Variants in PLEKHG5 observed in about 807,000 individuals in gnomAD.
PLEKHG5 encodes the protein pleckstrin homology and RhoGEF domain containing G5.
PLEKHG5 carries 52 observed loss-of-function variants against 103.8 expected under a neutral mutation model. That is an observed-to-expected ratio of 0.50 (90% CI 0.40 to 0.63). The LOEUF (loss-of-function observed/expected upper bound fraction) is 0.63. PLEKHG5 is among the 30% of genes least tolerant of loss of function. The probability of loss-of-function intolerance (pLI) is 0.00; values close to 1 mark genes in which losing one functional copy is unlikely to be tolerated. For missense variants in PLEKHG5, 1,205 were observed against 1,347.6 expected (o/e 0.89, Z 1.66); for synonymous variants, 592 against 575.5 (o/e 1.03, Z -0.41).
chr1:6,509,338 G>A (rs574444197), intron 1 of PLEKHG5, among the ~76,000 whole-genome samples: 2 of 152,250 alleles, frequency 1.3e-5, no homozygotes, highest in African/African-American at 2.4e-5. Context: ...ACAAGGGCCC[G>A]CTTCATCCCG....
At chr1:6,501,114 G>A (rs530516323), upstream of PLEKHG5, among the ~76,000 whole-genome samples, 18 of 152,254 alleles carry the variant, frequency 1.2e-4, no homozygotes, top group African/African-American at 3.1e-4. The surrounding 1 kb of genome is among the most constrained non-coding windows in gnomAD (Gnocchi z 4.3). Flanking sequence ...AGAGGAGCCC[G>A]GCAGCTCTGG....
At chr1:6,512,899 G>GT (rs920986986) in intron 1 of PLEKHG5, among the ~76,000 whole-genome samples, 1 of 152,140 alleles carries the variant, frequency 6.6e-6, no homozygotes, top group Non-Finnish European at 1.5e-5. Flanking sequence ...GGTGGCCATG[G>GT]GGGGGTGAAT....
At position 6,467,875 on chromosome 1, in the gene PLEKHG5, C is replaced by T. The variant is rs868684336; in HGVS notation, c.2961G>A (p.Gln987=). Residue 987 remains glutamine (Q), a synonymous_variant, in exon 20 of 21, where the codon CAG becomes CAA. Transcript: ENST00000377728. ...GCAGGGTGGTCCTGATTCGGTAGAG[C>T]TGGGCCAGGGTCAGCTTCCTGTGCT... ...SAQHRKLTLA[Q]LYRIRTTLLL... 2 of 1,612,348 alleles carry T rather than the reference C, an allele frequency of 1.2e-6. No individual in the cohort carries two copies. The highest frequency in any genetic ancestry group is 1.1e-5 in the South Asian group (1 of 90,850).
rs933373196 is a variant in PLEKHG5, at chr1:6,467,504, C to G, written c.*59G>C. The stretch of plus-strand genomic sequence containing the variant: ...AGCTGAAGCAGGTGCCGGCACGCCC[C>G]AGGAGGCAGGCTGTCTGCTGTCTCT... On this transcript the variant is annotated 3_prime_UTR_variant, in exon 21 of 21. Coordinates refer to ENST00000377728, the MANE Select transcript of PLEKHG5 (RefSeq NM_020631.6). 4.4e-6 allele frequency: 7 copies of G among 1,573,164 alleles called. No individual in the cohort carries two copies. Among genetic ancestry groups the G allele is most frequent in the Non-Finnish European group, 6.1e-6 (7 of 1,143,524 alleles).
chr1:6,485,796 C>T, intron 1 of PLEKHG5: 3 of 814,544 alleles, frequency 3.7e-6, no homozygotes, highest in Non-Finnish European at 3.0e-6. Context: ...TCCCCGGGAC[C>T]CCCACCTTCC....
intron 3 of PLEKHG5, among the ~76,000 whole-genome samples, 199 bp downstream of exon 3, chr1:6,475,732 C>G (rs1270194446): frequency 6.6e-6 from 1 of 152,148 alleles, no homozygotes; most frequent in Non-Finnish European, 1.5e-5. Context: ...CTGGTGTGGG[C>G]TAGGATCCCA....
rs577426615 is a variant in PLEKHG5 at position 6,474,225 on chromosome 1, G to A, written c.440-61C>T. 335 of 1,584,624 alleles carry A rather than the reference G, an allele frequency of 2.1e-4. 4 individuals are homozygous for A. In the East Asian group the frequency reaches 2.7e-3, roughly 13 times the overall value. The stretch of plus-strand genomic sequence containing the variant: ...TGGTCTGGTGGAGGAGGGGGTCCCC[G>A]GTCCTCTCTCCCCGGAGGATCCACA... On this transcript the variant is annotated intron_variant, in intron 6 of 20. Coordinates refer to ENST00000377728, the MANE Select transcript of PLEKHG5 (RefSeq NM_020631.6).
rs1569939860 is a variant in PLEKHG5, at chr1:6,485,592, G to A, written c.-88+6045C>T. ...GAACAGCCCCCAGCCCCCCAGGAAG[G>A]CGGACACCTCCCTCCCGCCCGGGCC... is the stretch of plus-strand genomic sequence containing the variant. On this transcript the variant is annotated intron_variant, in intron 1 of 20. Transcript: ENST00000377728. The A allele has an allele frequency of 1.6e-5, 12 of 754,836 alleles. No homozygotes were observed. The South Asian group carries it at 4.1e-4, about 26-fold the overall frequency. The allele number at this position is 754,836 out of a possible 1,614,324, so 46.8% of individuals were successfully genotyped here. A position where few individuals can be genotyped will look rare whatever the true frequency, so the allele number is the denominator to read the frequency against.
intron 1 of PLEKHG5, among the ~76,000 whole-genome samples, chr1:6,479,337 A>AGT (rs1644843985): frequency 1.6e-5 from 2 of 126,602 alleles, no homozygotes; most frequent in African/African-American, 6.3e-5. Context: ...CCCAGGCTGG[A>AGT]GTGCAGTGGC....
At chr1:6,485,323 C>G (rs973989870) in intron 1 of PLEKHG5, 19 of 1,420,346 alleles carry the variant, frequency 1.3e-5, no homozygotes, top group Non-Finnish European at 1.7e-5. Context: ...CGGCCCCGTA[C>G]CTGGCTATCA....
In PLEKHG5 at chr1:6,491,221, G is replaced by A. The variant is rs1444192793; in HGVS notation, c.-88+416C>T. Among the ~76,000 whole-genome samples the A allele has an allele frequency of 6.6e-6, 1 of 152,044 alleles. No individual in the cohort carries two copies. Among genetic ancestry groups the A allele is most frequent in the African/African-American group, 2.4e-5 (1 of 41,388 alleles). On this transcript the variant is annotated intron_variant, in intron 1 of 20. Coordinates refer to ENST00000377728, the MANE Select transcript of PLEKHG5 (RefSeq NM_020631.6). The surrounding 1 kb of genome is among the most constrained non-coding windows in gnomAD (Gnocchi z 4.1). ...CTCTGGGCTCAGGACTGGGAAGGGT[G>A]TGGATACAGGGGGCCCACTCGAGGA...
intron 1 of PLEKHG5, chr1:6,485,297 C>T (rs1030385056): frequency 6.0e-6 from 8 of 1,344,462 alleles, no homozygotes; most frequent in South Asian, 1.7e-5. Context: ...CACCCAGCCC[C>T]GTTCCCGCCC....
chr1:6,498,878 G>T (rs1375045845), upstream of PLEKHG5, among the ~76,000 whole-genome samples: 3 of 152,248 alleles, frequency 2.0e-5, no homozygotes, highest in Non-Finnish European at 4.4e-5. Flanking sequence ...GCCGAGGCAA[G>T]AGACGGCCCT....
At position 6,491,658 on chromosome 1, in the gene PLEKHG5, T is replaced by C; in HGVS notation, c.-109A>G. 1.0e-6 allele frequency: 1 copy of C among 985,468 alleles called. No homozygotes were observed. Among genetic ancestry groups the C allele is most frequent in the Non-Finnish European group, 1.2e-6 (1 of 829,922 alleles). 61.0% of individuals were successfully genotyped at this position (985,468 alleles called of 1,614,324 possible). On this transcript the variant is annotated 5_prime_UTR_variant, in exon 1 of 21. It removes an upstream start codon present in the reference 5' UTR. Coordinates refer to ENST00000377728, the MANE Select transcript of PLEKHG5 (RefSeq NM_020631.6). The surrounding 1 kb of genome is among the most constrained non-coding windows in gnomAD (Gnocchi z 4.1). ...TCACATCCTGCCCGTCCCTTCTCCA[T>C]GGGGGCCTCAGGTCCACCCTTTCCT...
At chr1:6,512,071 CTT>C (rs1638488314) in intron 1 of PLEKHG5, among the ~76,000 whole-genome samples, 1 of 152,218 alleles carries the variant, frequency 6.6e-6, no homozygotes, top group Non-Finnish European at 1.5e-5. Context: ...GTGGCATCTC[CTT>C]TAATCTACCC....
At chr1:6,497,165 C>T (rs1481888169), upstream of PLEKHG5, 10 of 941,384 alleles carry the variant, frequency 1.1e-5, no homozygotes, top group African/African-American at 1.6e-5. This position sits in a 1 kb window ranked among gnomAD's most constrained non-coding sequence, Gnocchi z 6.1. Flanking sequence ...CCGAGGCAGG[C>T]CCCGACTTGG....
intron 19 of PLEKHG5, 126 bp downstream of exon 19, chr1:6,468,916 C>T (rs988614225): frequency 5.9e-6 from 5 of 843,486 alleles, no homozygotes; most frequent in Non-Finnish European, 9.8e-6. Context: ...GGAGACAGAG[C>T]CCCGCTCCCA....
intron 1 of PLEKHG5, among the ~76,000 whole-genome samples, chr1:6,478,415 C>A (rs1644819296): frequency 6.6e-6 from 1 of 151,676 alleles, no homozygotes; most frequent in African/African-American, 2.4e-5. Flanking sequence ...GTGATCCGCC[C>A]ACCTTGGTCT....
intron 1 of PLEKHG5, among the ~76,000 whole-genome samples, chr1:6,516,567 G>T (rs1234580136): frequency 6.6e-6 from 1 of 151,918 alleles, no homozygotes; most frequent in African/African-American, 2.4e-5. Context: ...TGAGGCAGGA[G>T]AACTGCTTGA....
Sources: gnomAD v4.1 joint callset for allele counts (sites outside exome capture counted in the v4.1 genomes callset) on GRCh38, gnomAD v4.1.1 for gene constraint, Gnocchi (gnomAD v3.1) non-coding constraint, MANE v1.5 for transcripts, NCBI Gene and HGNC (gene_info 2026-07-23, HGNC 2026-07-21) for gene names.